The following CSMD3 variants were observed in gnomAD, a reference collection of about 807,000 sequenced individuals.
The protein encoded by CSMD3 is CUB and sushi domain-containing protein 3.
In CSMD3, 177 loss-of-function variants were observed where a neutral mutation model predicts 435.2. That is an observed-to-expected ratio of 0.41 (90% CI 0.36 to 0.46). CSMD3 has a LOEUF of 0.46. CSMD3 is among the 20% of genes least tolerant of loss of function. The pLI is 0.34. For synonymous variants in CSMD3, 1,656 were observed against 1,520.5 expected (o/e 1.09, Z -2.07); for missense variants, 4,265 against 4,504.6 (o/e 0.95, Z 1.52).
At chr8:112,686,745 G>A (rs1001447747) in intron 14 of CSMD3, among the ~76,000 whole-genome samples, 1 of 151,854 alleles carries the variant, frequency 6.6e-6, no homozygotes, top group African/African-American at 2.4e-5. Context: ...CTCGGCCTCC[G>A]TAAGTAATGG....
chr8:112,955,826 C>T lies in CSMD3; in HGVS notation c.1343-1065G>A, dbSNP rs376221945. ...GTTATGCAATTAGGTTTTCTTCATG[C>T]TATAAATTTAAAAAAAAGCAAAAAT... On this transcript the variant is annotated intron_variant, in intron 7 of 70. Coordinates refer to ENST00000297405, the MANE Select transcript of CSMD3 (RefSeq NM_198123.2). Among the ~76,000 whole-genome samples, 475 of 151,756 alleles carry T rather than the reference C, an allele frequency of 3.1e-3. 2 individuals carry two copies. The highest frequency in any genetic ancestry group is 0.011 in the African/African-American group (443 of 41,470).
intron 53 of CSMD3, among the ~76,000 whole-genome samples, chr8:112,299,791 T>C (rs1025363843): frequency 1.3e-5 from 2 of 152,032 alleles, no homozygotes; most frequent in African/African-American, 4.8e-5. Flanking sequence ...GTAACTGTAC[T>C]TTCCTCCTAC....
At chr8:112,726,550 C>T (rs890871287) in intron 13 of CSMD3, among the ~76,000 whole-genome samples, 22 of 151,732 alleles carry the variant, frequency 1.4e-4, no homozygotes, top group Admixed American at 4.0e-4. Context: ...TTTTTCTAAA[C>T]CTAGTATTAA....
intron 13 of CSMD3, among the ~76,000 whole-genome samples, chr8:112,746,635 T>TTA (rs10634543): frequency 0.32 from 48,226 of 151,178 alleles, 8,315 homozygotes; most frequent in African/African-American, 0.46. Flanking sequence ...AATAGAATAG[T>TTA]TATATATATT....
At chr8:113,088,611 C>G (rs1278644505) in intron 5 of CSMD3, among the ~76,000 whole-genome samples, 1 of 149,314 alleles carries the variant, frequency 6.7e-6, no homozygotes, top group Non-Finnish European at 1.5e-5. Context: ...ATCCCAAGGA[C>G]AAAAAACGAA....
At chr8:112,292,790 T>C in intron 54 of CSMD3, 80 bp from the exon 55 acceptor site, 2 of 1,204,706 alleles carry the variant, frequency 1.7e-6, no homozygotes, top group Non-Finnish European at 2.4e-6. Flanking sequence ...TTATTGATTA[T>C]ACTTAATCAT....
chr8:112,699,471 A>G (rs1170486846), intron 13 of CSMD3, among the ~76,000 whole-genome samples: 1 of 152,196 alleles, frequency 6.6e-6, no homozygotes, highest in East Asian at 1.9e-4. Flanking sequence ...AGTGGGGAAA[A>G]AAAGAGAAAA....
Position 112,278,792 on chromosome 8 carries a change from C to T in CSMD3, c.9508+2382G>A, listed in dbSNP as rs186603455. 3.0e-4 allele frequency among the ~76,000 whole-genome samples: 46 copies of T among 152,220 alleles called. No homozygotes were observed. The East Asian group carries it at 8.3e-3, about 28-fold the overall frequency. ...CTGTCATCAAAAAGATTCTGGTTCTCAGGGAAGAACACCCATATCATCTCA... is the reference window on the plus strand; with the variant it reads ...CTGTCATCAAAAAGATTCTGGTTCTTAGGGAAGAACACCCATATCATCTCA... On this transcript the variant is annotated intron_variant, in intron 59 of 70. Coordinates refer to ENST00000297405, the MANE Select transcript of CSMD3 (RefSeq NM_198123.2).
intron 3 of CSMD3, among the ~76,000 whole-genome samples, chr8:113,176,973 A>T (rs2092355711): frequency 6.6e-6 from 1 of 151,830 alleles, no homozygotes. Flanking sequence ...CAAAATATAA[A>T]ATAATTATTA....
intron 4 of CSMD3, among the ~76,000 whole-genome samples, chr8:113,109,640 T>G (rs1378673012): frequency 6.6e-6 from 1 of 152,164 alleles, no homozygotes; most frequent in Admixed American, 6.5e-5. Context: ...GCAGCCTTGC[T>G]CCCGTGACAG....
intron 10 of CSMD3, among the ~76,000 whole-genome samples, chr8:112,882,329 G>A (rs1256775638): frequency 6.6e-6 from 1 of 151,904 alleles, no homozygotes; most frequent in African/African-American, 2.4e-5. Context: ...CTCTTTGCAG[G>A]TAAGAGACAA....
At chr8:113,230,791 A>G (rs2093077279) in intron 3 of CSMD3, among the ~76,000 whole-genome samples, 1 of 151,540 alleles carries the variant, frequency 6.6e-6, no homozygotes, top group South Asian at 2.1e-4. Context: ...TCAGATTATC[A>G]TATTTTCTAT....
chr8:112,902,537 C>A (rs1341212425), intron 10 of CSMD3, among the ~76,000 whole-genome samples: 2 of 151,150 alleles, frequency 1.3e-5, no homozygotes, highest in African/African-American at 4.8e-5. Flanking sequence ...AATATATGAA[C>A]CTGGTTTGAT....
intron 22 of CSMD3, among the ~76,000 whole-genome samples, chr8:112,629,202 T>C (rs892428184): frequency 1.3e-5 from 2 of 151,018 alleles, no homozygotes; most frequent in Non-Finnish European, 2.9e-5. Flanking sequence ...TGCGATTTTA[T>C]TATTATTTAT....
chr8:112,237,486 C>A, intron 66 of CSMD3, 138 bp from the exon 67 acceptor site: 1 of 691,180 alleles, frequency 1.4e-6, no homozygotes, highest in South Asian at 1.7e-5. Flanking sequence ...AAAATTAATT[C>A]TTCATATAAA....
chr8:112,827,889 A>G (rs231287), intron 12 of CSMD3, among the ~76,000 whole-genome samples: 31,609 of 152,094 alleles, frequency 0.21, 4,066 homozygotes, highest in Non-Finnish European at 0.3. Context: ...TTGCCACATG[A>G]CTATGAAGAT....
chr8:113,080,144 G>C (rs1005629924), intron 5 of CSMD3, among the ~76,000 whole-genome samples: 3 of 152,102 alleles, frequency 2.0e-5, no homozygotes, highest in Non-Finnish European at 4.4e-5. Flanking sequence ...AGTGATGTTT[G>C]ATGAGTAGAT....
At chr8:113,330,843 T>C (rs1037541604) in intron 1 of CSMD3, among the ~76,000 whole-genome samples, 4 of 151,902 alleles carry the variant, frequency 2.6e-5, no homozygotes, top group Non-Finnish European at 5.9e-5. Context: ...GAGTCTTTAA[T>C]TCTCTGCTTT....
At chr8:112,956,418 C>A (rs1186576602) in intron 7 of CSMD3, among the ~76,000 whole-genome samples, 1 of 152,002 alleles carries the variant, frequency 6.6e-6, no homozygotes, top group Non-Finnish European at 1.5e-5. Context: ...TACTTTTTAA[C>A]AAAATCTGCA....
Sources: allele counts gnomAD v4.1 joint callset (sites outside exome capture counted in the v4.1 genomes callset), GRCh38; gene constraint gnomAD v4.1.1; transcripts MANE v1.5; gene names NCBI Gene and HGNC (gene_info 2026-07-23, HGNC 2026-07-21).